Variants in KCNMA1 observed in about 807,000 individuals in gnomAD.
KCNMA1 encodes the protein Calcium-activated potassium channel subunit alpha-1.
In KCNMA1, 29 loss-of-function variants were observed where a neutral mutation model predicts 140.0. That is an observed-to-expected ratio of 0.21 (90% CI 0.15 to 0.28). KCNMA1 has a LOEUF of 0.28. Among genes scored for constraint, KCNMA1 ranks in the 10% least tolerant of loss-of-function variants. The probability of loss-of-function intolerance (pLI) is 1.00; values close to 1 mark genes in which losing one functional copy is unlikely to be tolerated. For synonymous variants in KCNMA1, 612 were observed against 611.9 expected (o/e 1.00, Z 0.00); for missense variants, 880 against 1,602.2 (o/e 0.55, Z 7.70).
At chr10:77,286,055 C>A (rs1011111883) in intron 2 of KCNMA1, among the ~76,000 whole-genome samples, 1 of 152,160 alleles carries the variant, frequency 6.6e-6, no homozygotes, top group Admixed American at 6.5e-5. Context: ...TTATCTCTAT[C>A]ACTCATGTCC....
At chr10:77,203,590 G>A (rs149731025) in intron 3 of KCNMA1, among the ~76,000 whole-genome samples, 1,674 of 152,266 alleles carry the variant, frequency 0.011, 18 homozygotes, top group Non-Finnish European at 0.018. Flanking sequence ...TGAGGGGAGA[G>A]CCTTGGTGTT....
At chr10:77,320,398 T>C (rs1455486993) in intron 2 of KCNMA1, among the ~76,000 whole-genome samples, 1 of 152,124 alleles carries the variant, frequency 6.6e-6, no homozygotes, top group Admixed American at 6.6e-5. Flanking sequence ...AAGGGGCTAC[T>C]CCCCTAAGAA....
chr10:77,220,340 T>C (rs1044709523), intron 3 of KCNMA1, among the ~76,000 whole-genome samples: 1 of 152,118 alleles, frequency 6.6e-6, no homozygotes, highest in African/African-American at 2.4e-5. Flanking sequence ...GTGGTCAGAA[T>C]CTAGAGCCAC....
At chr10:77,609,155 A>G (rs2085730980) in intron 1 of KCNMA1, among the ~76,000 whole-genome samples, 1 of 152,256 alleles carries the variant, frequency 6.6e-6, no homozygotes, top group African/African-American at 2.4e-5. Flanking sequence ...CAATGTTCAC[A>G]GCAGCATTAT....
At position 76,885,527 on chromosome 10, in the gene KCNMA1, C is replaced by A. The variant is rs184468198; in HGVS notation, c.*1739G>T. Reference sequence around the variant, plus strand: ...TCCAAAACTATCATGCTTGAGGGGACGGGGGATCCAAAATCTAAATCCAAA... The same window carrying A: ...TCCAAAACTATCATGCTTGAGGGGAAGGGGGATCCAAAATCTAAATCCAAA... On this transcript the variant is annotated 3_prime_UTR_variant, in exon 28 of 28. Transcript: ENST00000286628. 1.0e-6 allele frequency: 1 copy of A among 985,126 alleles called. No homozygotes were observed. Among genetic ancestry groups the A allele is most frequent in the Non-Finnish European group, 1.2e-6 (1 of 829,872 alleles). 61.0% of individuals were successfully genotyped at this position (985,126 alleles called of 1,614,324 possible).
intron 23 of KCNMA1, among the ~76,000 whole-genome samples, chr10:76,919,080 T>C (rs2054245152): frequency 6.6e-6 from 1 of 152,058 alleles, no homozygotes; most frequent in Non-Finnish European, 1.5e-5. Flanking sequence ...CATCATATGT[T>C]CTCACTGGTA....
chr10:77,499,527 T>C (rs757441656), intron 1 of KCNMA1, among the ~76,000 whole-genome samples: 7 of 151,602 alleles, frequency 4.6e-5, no homozygotes, highest in South Asian at 4.2e-4. Flanking sequence ...AAACAGAAGA[T>C]ATCAGATTAT....
At chr10:76,947,023 A>C (rs893338729) in intron 22 of KCNMA1, among the ~76,000 whole-genome samples, 1 of 152,210 alleles carries the variant, frequency 6.6e-6, no homozygotes, top group African/African-American at 2.4e-5. Flanking sequence ...ACATGAAGAA[A>C]GATGAGTGAA....
chr10:77,110,128 T>C, intron 8 of KCNMA1, 45 bp downstream of exon 8: 1 of 1,483,386 alleles, frequency 6.7e-7, no homozygotes, highest in Non-Finnish European at 9.4e-7. Context: ...ATGGAAAATA[T>C]TAACAGCCAT....
intron 12 of KCNMA1, among the ~76,000 whole-genome samples, chr10:77,083,270 G>A (rs528201111): frequency 2.6e-5 from 4 of 152,148 alleles, no homozygotes; most frequent in Admixed American, 2.0e-4. Context: ...ATTCCAAAGG[G>A]CCTCTAACTA....
chr10:76,978,665 G>A (rs758787381), intron 19 of KCNMA1: 6 of 152,208 alleles, frequency 3.9e-5, no homozygotes, highest in Middle Eastern at 6.8e-3. Context: ...TTTCTAAGAC[G>A]GTTTATAATC....
intron 22 of KCNMA1, among the ~76,000 whole-genome samples, chr10:76,948,693 A>G (rs945959780): frequency 6.6e-6 from 1 of 152,228 alleles, no homozygotes; most frequent in Non-Finnish European, 1.5e-5. Context: ...GTACAGCAGA[A>G]ATAAAGAACT....
chr10:77,624,378 G>A (rs2092129303), intron 1 of KCNMA1, among the ~76,000 whole-genome samples: 1 of 152,114 alleles, frequency 6.6e-6, no homozygotes, highest in African/African-American at 2.4e-5. Context: ...AGAAGTAATA[G>A]TAGAGTCACA....
chr10:77,553,068 A>C (rs1354335590), intron 1 of KCNMA1, among the ~76,000 whole-genome samples: 1 of 148,196 alleles, frequency 6.7e-6, no homozygotes, highest in Non-Finnish European at 1.5e-5. Context: ...AAACAAAAAA[A>C]CGCCGGGTGG....
At chr10:76,984,441 C>T (rs897218102) in intron 19 of KCNMA1, among the ~76,000 whole-genome samples, 1 of 152,144 alleles carries the variant, frequency 6.6e-6, no homozygotes, top group African/African-American at 2.4e-5. Flanking sequence ...CTGCCCGCCT[C>T]AGCCTCCCAA....
chr10:77,418,619 A>T (rs1358507764), intron 1 of KCNMA1, among the ~76,000 whole-genome samples: 2 of 152,162 alleles, frequency 1.3e-5, no homozygotes, highest in African/African-American at 4.8e-5. Context: ...TACCCTTGAC[A>T]AAGTGGCTGG....
In KCNMA1 at chr10:76,886,981, G is replaced by C; in HGVS notation, c.*285C>G. On this transcript the variant is annotated 3_prime_UTR_variant, in exon 28 of 28. Transcript: ENST00000286628. Reference sequence around the variant, plus strand: ...GTGCTCCCTTCTAATCTGTGAACTCGTTCCTGCAGTGAGCTATTTATGTCT... The same window carrying C: ...GTGCTCCCTTCTAATCTGTGAACTCCTTCCTGCAGTGAGCTATTTATGTCT... 1 of 1,257,502 alleles carries C rather than the reference G, an allele frequency of 8.0e-7. No individual in the cohort carries two copies. The highest frequency in any genetic ancestry group is 1.0e-6 in the Non-Finnish European group (1 of 987,746). The allele number at this position is 1,257,502 out of a possible 1,614,324, so 77.9% of individuals were successfully genotyped here.
intron 3 of KCNMA1, chr10:77,249,498 A>AAAAAAATAT (rs1258457006): frequency 6.6e-6 from 1 of 152,214 alleles, no homozygotes; most frequent in Admixed American, 6.5e-5. Context: ...AAAAAAAATA[A>AAAAAAATAT]AAAAACGAAA....
intron 14 of KCNMA1, among the ~76,000 whole-genome samples, chr10:77,042,595 G>GAT (rs1384333535): frequency 7.9e-5 from 12 of 152,264 alleles, no homozygotes; most frequent in African/African-American, 2.9e-4. Flanking sequence ...TACAACAACT[G>GAT]ATTATCAAAA....
Sources: allele counts gnomAD v4.1 joint callset (sites outside exome capture counted in the v4.1 genomes callset), GRCh38; gene constraint gnomAD v4.1.1; transcripts MANE v1.5; gene names NCBI Gene and HGNC (gene_info 2026-07-23, HGNC 2026-07-21).